Variants in CFAP44 observed in about 807,000 individuals in gnomAD.
CFAP44 encodes the protein cilia and flagella associated protein 44.
Under a neutral mutation model 216.2 loss-of-function variants are expected in CFAP44, and 134 were observed. That is an observed-to-expected ratio of 0.62 (90% CI 0.54 to 0.72). The LOEUF (loss-of-function observed/expected upper bound fraction) is 0.72, where lower values mean the gene tolerates loss of function less well. Among genes scored for constraint, CFAP44 ranks in the 30% least tolerant of loss-of-function variants. The pLI is 0.00. For synonymous variants in CFAP44, 700 were observed against 727.6 expected, an observed-to-expected ratio of 0.96 and a Z score of 0.61; for missense variants, 2,035 against 2,182.1, an observed-to-expected ratio of 0.93 and a Z score of 1.34.
At chr3:113,436,273 A>C (rs1304044746) in intron 1 of CFAP44, among the ~76,000 whole-genome samples, 1 of 152,076 alleles carries the variant, frequency 6.6e-6, no homozygotes, top group African/African-American at 2.4e-5. Flanking sequence ...CAGCCAATTC[A>C]GTTATTACAG....
At chr3:113,354,661 C>T (rs1950477820) in intron 22 of CFAP44, among the ~76,000 whole-genome samples, 1 of 152,198 alleles carries the variant, frequency 6.6e-6, no homozygotes, top group African/African-American at 2.4e-5. Flanking sequence ...TGAGCTCAGA[C>T]ACACCTATCC....
chr3:113,412,127 C>A (rs926827604), intron 6 of CFAP44, among the ~76,000 whole-genome samples: 6 of 152,180 alleles, frequency 3.9e-5, no homozygotes, highest in Non-Finnish European at 7.4e-5. Context: ...CCTCTCTCAC[C>A]ACTCCTATTC....
intron 15 of CFAP44, among the ~76,000 whole-genome samples, chr3:113,392,161 A>G (rs1224090717): frequency 1.3e-5 from 2 of 152,214 alleles, no homozygotes; most frequent in Non-Finnish European, 2.9e-5. Flanking sequence ...GTATCCATCA[A>G]CAGATGAATG....
At chr3:113,410,979 C>T (rs1934450947) in intron 6 of CFAP44, among the ~76,000 whole-genome samples, 1 of 152,182 alleles carries the variant, frequency 6.6e-6, no homozygotes, top group Non-Finnish European at 1.5e-5. Flanking sequence ...ATCCTTCACC[C>T]ACTTTTTGAT....
In CFAP44 at chr3:113,287,069, A is replaced by C. The variant is rs774171615; in HGVS notation, c.*4488T>G. 7.4e-5 allele frequency: 47 copies of C among 635,936 alleles called. No individual in the cohort carries two copies. Among genetic ancestry groups the C allele is most frequent in the Non-Finnish European group, 1.2e-4 (42 of 360,220 alleles). 39.4% of individuals were successfully genotyped at this position (635,936 alleles called of 1,614,324 possible). ...TGAGGTTGGAGAGGGAAAATAAAGA[A>C]GCTGCCACCTAACAGGAGTCACCCA... On this transcript the variant is annotated 3_prime_UTR_variant, in exon 35 of 35. Transcript: ENST00000393845.
Position 113,333,567 on chromosome 3 carries a change from C to A in CFAP44, c.3454G>T (p.Gly1152Cys). ...TCTTTGGGATCTTCATAGTCATCAC[C>A]AGGTTTACTCTTGTATCTATTAGAA... ...EWEELYKSKP[G>C]DDYEDPKDLQ... The change falls in exon 25 of 35, where the codon GGT (glycine) becomes TGT (cysteine). Residue 1152 changes from glycine to cysteine, a missense_variant. Physicochemically the swap from Gly to Cys is radical, Grantham distance 159 (BLOSUM62 -3). Coordinates refer to ENST00000393845, the MANE Select transcript of CFAP44 (RefSeq NM_001164496.2). 1 of 1,532,988 alleles carries A rather than the reference C, an allele frequency of 6.5e-7. No individual in the cohort carries two copies. The highest frequency in any genetic ancestry group is 8.7e-7 in the Non-Finnish European group (1 of 1,145,790). The allele number at this position is 1,532,988 out of a possible 1,614,324, so 95.0% of individuals were successfully genotyped here.
intron 20 of CFAP44, 64 bp downstream of exon 20, chr3:113,363,413 C>T: frequency 6.3e-7 from 1 of 1,582,500 alleles, no homozygotes; most frequent in Non-Finnish European, 8.6e-7. Context: ...TGGTCAACTT[C>T]TGCACTGTTG....
intron 28 of CFAP44, among the ~76,000 whole-genome samples, chr3:113,314,028 A>G (rs1188196745): frequency 3.3e-5 from 5 of 152,232 alleles, no homozygotes; most frequent in Admixed American, 3.3e-4. Flanking sequence ...AGAAAAGAGC[A>G]AAAACAAAAC....
intron 25 of CFAP44, among the ~76,000 whole-genome samples, chr3:113,332,809 G>T (rs2107812705): frequency 6.6e-6 from 1 of 152,208 alleles, no homozygotes; most frequent in South Asian, 2.1e-4. Context: ...TACAAAAAAA[G>T]GTTAAACAAT....
intron 15 of CFAP44, among the ~76,000 whole-genome samples, chr3:113,388,832 G>A (rs901801570): frequency 2.6e-5 from 4 of 152,156 alleles, no homozygotes; most frequent in Admixed American, 2.0e-4. Flanking sequence ...TATAACAATT[G>A]TAAATATATA....
intron 26 of CFAP44, among the ~76,000 whole-genome samples, chr3:113,328,439 C>T (rs1250365270): frequency 1.3e-5 from 2 of 151,280 alleles, no homozygotes; most frequent in African/African-American, 2.4e-5. Context: ...GATTTTGGTA[C>T]AGCTTTCCCC....
chr3:113,392,979 T>G (rs12637924), intron 15 of CFAP44, among the ~76,000 whole-genome samples: 28,160 of 152,148 alleles, frequency 0.19, 3,145 homozygotes, highest in East Asian at 0.42. Context: ...CCTGGCTCCC[T>G]TGTATCTTCT....
intron 22 of CFAP44, among the ~76,000 whole-genome samples, chr3:113,357,954 T>C (rs976923802): frequency 8.6e-5 from 13 of 151,984 alleles, no homozygotes; most frequent in Non-Finnish European, 5.9e-5. Flanking sequence ...CTATTAACAG[T>C]AGAAGGGATA....
At chr3:113,299,686 T>C (rs1949915897) in intron 32 of CFAP44, among the ~76,000 whole-genome samples, 1 of 152,036 alleles carries the variant, frequency 6.6e-6, no homozygotes, top group Non-Finnish European at 1.5e-5. Context: ...AGACAATGGA[T>C]AAAGAAAATG....
intron 15 of CFAP44, among the ~76,000 whole-genome samples, chr3:113,384,731 T>C (rs1245873179): frequency 2.0e-5 from 3 of 152,216 alleles, no homozygotes; most frequent in Non-Finnish European, 2.9e-5. Flanking sequence ...AAAGAAATTA[T>C]GTTGTTTAAG....
intron 29 of CFAP44, among the ~76,000 whole-genome samples, chr3:113,307,725 T>A (rs181968681): frequency 4.1e-3 from 628 of 152,324 alleles, no homozygotes; most frequent in Non-Finnish European, 5.8e-3. Flanking sequence ...ATCCTAGCAC[T>A]TTGGGAGGCT....
chr3:113,388,304 T>C (rs915475866), intron 15 of CFAP44, among the ~76,000 whole-genome samples: 2 of 152,212 alleles, frequency 1.3e-5, no homozygotes, highest in Non-Finnish European at 2.9e-5. Flanking sequence ...TTAGTTTGTT[T>C]ATAAAATCAG....
In CFAP44 at chr3:113,401,679, T is replaced by A. The variant is rs2107360908; in HGVS notation, c.1231A>T (p.Ile411Phe). The A allele has an allele frequency of 6.2e-7, 1 of 1,613,546 alleles. No homozygotes were observed. Among genetic ancestry groups the A allele is most frequent in the Non-Finnish European group, 8.5e-7 (1 of 1,179,708 alleles). ...ACTTGAAGTTCATTAATAGGCTCAA[T>A]CTCCAACAATCCAGTCTCATCTATT... ...DVIDETGLLEIEPINELQVDK... is the reference protein window; with the variant it reads ...DVIDETGLLEFEPINELQVDK... The change falls in exon 10 of 35, where the codon ATT becomes TTT. Residue 411 changes from isoleucine (I) to phenylalanine (F), a missense_variant. Transcript: ENST00000393845.
At chr3:113,319,311 A>C (rs1363830600) in intron 28 of CFAP44, among the ~76,000 whole-genome samples, 1 of 152,232 alleles carries the variant, frequency 6.6e-6, no homozygotes, top group East Asian at 1.9e-4. Context: ...AACAGACTTT[A>C]AACCAATAAA....
Sources: allele counts gnomAD v4.1 joint callset (sites outside exome capture counted in the v4.1 genomes callset), GRCh38; gene constraint gnomAD v4.1.1; transcripts MANE v1.5; gene names NCBI Gene and HGNC (gene_info 2026-07-23, HGNC 2026-07-21).